Variants in CENPA observed in about 807,000 individuals in gnomAD.
CENPA encodes the protein centromere protein A, also known as histone H3-like centromeric protein A.
In CENPA, 7 loss-of-function variants were observed where a neutral mutation model predicts 17.2. That is an observed-to-expected ratio of 0.41 (90% confidence interval 0.23 to 0.76). The LOEUF is 0.76. Among genes scored for constraint, CENPA ranks in the 30% least tolerant of loss-of-function variants. CENPA has a pLI of 0.34. For synonymous variants in CENPA, 82 were observed against 77.4 expected (o/e 1.06, Z -0.31); for missense variants, 149 against 193.1 (o/e 0.77, Z 1.35).
At chr2:26,789,501 C>G (rs949189445) in intron 1 of CENPA, among the ~76,000 whole-genome samples, 1 of 152,034 alleles carries the variant, frequency 6.6e-6, no homozygotes, top group African/African-American at 2.4e-5. Context: ...ATTGACAGCT[C>G]TCAAATATCT....
Position 26,786,113 on chromosome 2 carries a change from C to A in CENPA, c.-84C>A. ...TCGCGGCACAGCGTTCTCTGGGCTC[C>A]CCAGAAGCCAGCCTTTCGCTCCCGG... On this transcript the variant is annotated 5_prime_UTR_variant, in exon 1 of 5. Coordinates refer to ENST00000335756, the MANE Select transcript of CENPA (RefSeq NM_001809.4). 1.5e-6 allele frequency: 2 copies of A among 1,337,720 alleles called. No homozygotes were observed. Among genetic ancestry groups the A allele is most frequent in the Non-Finnish European group, 1.9e-6 (2 of 1,048,302 alleles). 82.9% of individuals were successfully genotyped at this position (1,337,720 alleles called of 1,614,324 possible).
Position 26,792,152 on chromosome 2 carries a change from G to C in CENPA, c.122G>C (p.Ser41Thr). 6.2e-7 allele frequency: 1 copy of C among 1,613,988 alleles called. No individual in the cohort carries two copies. The highest frequency in any genetic ancestry group is 8.5e-7 in the Non-Finnish European group (1 of 1,179,960). Reference protein sequence around the residue: ...PSLGASSHQHSRRRQGWLKEI... With the variant: ...PSLGASSHQHTRRRQGWLKEI... ...TCAGGCGCTTCCTCCCATCAACACA[G>C]TCGGCGGAGACAAGGTTGGCTAAAG... The change falls in exon 2 of 5, where the codon AGT becomes ACT. Residue 41 changes from serine to threonine, a missense_variant. Around this residue, in one of 2 missense-constraint regions of CENPA, gnomAD observed 95 missense variants for 87.5 expected, o/e 1.09. Transcript: ENST00000335756.
At chr2:26,788,151 A>ATTCTTTC (rs144666053) in intron 1 of CENPA, among the ~76,000 whole-genome samples, 4,081 of 152,112 alleles carry the variant, frequency 0.027, 185 homozygotes, top group African/African-American at 0.094. Flanking sequence ...TTTGTCTGGT[A>ATTCTTTC]TTCTTTCTTC....
chr2:26,789,726 CA>C (rs1664581666), intron 1 of CENPA, among the ~76,000 whole-genome samples: 1 of 152,128 alleles, frequency 6.6e-6, no homozygotes, highest in Non-Finnish European at 1.5e-5. Context: ...GTCTCCAATA[CA>C]AATGCAGGTC....
chr2:26,793,504 C>A (rs71441045), intron 4 of CENPA, among the ~76,000 whole-genome samples, 178 bp downstream of exon 4: 4,200 of 152,254 alleles, frequency 0.028, 78 homozygotes, highest in Middle Eastern at 0.041. Context: ...TAAAAGATAT[C>A]TTTCTATTAA....
At chr2:26,793,706 A>G (rs190770841) in intron 4 of CENPA, 106 bp from the exon 5 acceptor site, 3 of 152,374 alleles carry the variant, frequency 2.0e-5, no homozygotes, top group African/African-American at 7.3e-5. Context: ...TAAACTTTCT[A>G]ATAAAAGAGA....
chr2:26,792,366 G>T (rs1361752073), intron 2 of CENPA, 126 bp downstream of exon 2: 1 of 730,362 alleles, frequency 1.4e-6, no homozygotes, highest in Non-Finnish European at 2.4e-6. Context: ...CCTGGTAGGG[G>T]ATTCTTTTCT....
intron 1 of CENPA, among the ~76,000 whole-genome samples, chr2:26,790,685 G>A (rs990323643): frequency 3.3e-5 from 5 of 152,234 alleles, no homozygotes; most frequent in Non-Finnish European, 7.3e-5. Context: ...TGGTGGGGAG[G>A]GAGGGAGGTG....
At chr2:26,791,190 T>A (rs1394529818) in intron 1 of CENPA, among the ~76,000 whole-genome samples, 1 of 152,246 alleles carries the variant, frequency 6.6e-6, no homozygotes, top group African/African-American at 2.4e-5. Context: ...TTGGCTCAGA[T>A]ACCTTTTAGT....
intron 1 of CENPA, among the ~76,000 whole-genome samples, chr2:26,791,082 TCTTTAA>T (rs1252814981): frequency 6.6e-6 from 1 of 152,256 alleles, no homozygotes; most frequent in Non-Finnish European, 1.5e-5. Context: ...TGCTGTTTTT[TCTTTAA>T]CTTTATTTTC....
chr2:26,793,258 C>T lies in CENPA; in HGVS notation c.402C>T (p.Gly134=), dbSNP rs1277907574. Residue 134 remains glycine (G), a synonymous_variant, in exon 4 of 5, where the codon GGC becomes GGT. Transcript: ENST00000335756. ...TGCAACTGGCCCGGAGGATCCGGGG[C>T]CTTGAGGAGGGACTCGGCTGAGCTC... ...KDVQLARRIR[G]LEEGLG 1.2e-6 allele frequency: 2 copies of T among 1,614,064 alleles called. No homozygotes were observed. The highest frequency in any genetic ancestry group is 1.7e-6 in the Non-Finnish European group (2 of 1,180,020).
At chr2:26,791,002 T>TTAG (rs1664605721) in intron 1 of CENPA, among the ~76,000 whole-genome samples, 1 of 152,280 alleles carries the variant, frequency 6.6e-6, no homozygotes, top group South Asian at 2.1e-4. Flanking sequence ...ATGTTATTTT[T>TTAG]GTATTTTGTT....
intron 1 of CENPA, 94 bp downstream of exon 1, chr2:26,786,390 G>A (rs1572639350): frequency 7.9e-7 from 1 of 1,259,634 alleles, no homozygotes; most frequent in Non-Finnish European, 1.0e-6. Context: ...GCACTTCCCT[G>A]TTGGGGGACA....
rs1664668622 is a variant in CENPA at position 26,793,952 on chromosome 2, C to CT, written c.*191dup. 6.6e-6 allele frequency: 1 copy of CT among 152,156 alleles called. No homozygotes were observed. The highest frequency in any genetic ancestry group is 2.1e-4 in the South Asian group (1 of 4,828). 9.4% of individuals were successfully genotyped at this position (152,156 alleles called of 1,614,324 possible). A position where few individuals can be genotyped will look rare whatever the true frequency, so the allele number is the denominator to read the frequency against. ...TTTTGAGAAGGAGAAGACTGCATGA[C>CT]TTTCCTCTGTAACAGAGGTAATATA... On this transcript the variant is annotated 3_prime_UTR_variant, in exon 5 of 5. Coordinates refer to ENST00000335756, the MANE Select transcript of CENPA (RefSeq NM_001809.4).
At chr2:26,792,637 GC>G in intron 2 of CENPA, 118 bp from the exon 3 acceptor site, 1 of 927,914 alleles carries the variant, frequency 1.1e-6, no homozygotes, top group East Asian at 2.5e-5. Flanking sequence ...AAGATTAAGA[GC>G]CAGGAAAAAA....
chr2:26,793,307 C>G lies in CENPA; in HGVS notation c.*28C>G. On this transcript the variant is annotated 3_prime_UTR_variant, in exon 4 of 5. Transcript: ENST00000335756. ...TCCTGCACCCAGTGTTTCTGTCAGTCTTTCCTGCTCAGCCAGGGGGTAAGC... is the reference window on the plus strand; with the variant it reads ...TCCTGCACCCAGTGTTTCTGTCAGTGTTTCCTGCTCAGCCAGGGGGTAAGC... 6.2e-7 allele frequency: 1 copy of G among 1,611,888 alleles called. No homozygotes were observed. The highest frequency in any genetic ancestry group is 8.5e-7 in the Non-Finnish European group (1 of 1,179,454).
chr2:26,792,351 T>G (rs1387612137), intron 2 of CENPA, 111 bp downstream of exon 2: 1 of 772,324 alleles, frequency 1.3e-6, no homozygotes, highest in East Asian at 2.7e-5. Context: ...GGACCTCTTT[T>G]GTAACCTGGT....
At chr2:26,786,417 C>T in intron 1 of CENPA, 121 bp downstream of exon 1, 2 of 1,221,110 alleles carry the variant, frequency 1.6e-6, no homozygotes, top group South Asian at 3.1e-5. Context: ...TTCCGCCGTC[C>T]GGCATCCGCT....
intron 1 of CENPA, among the ~76,000 whole-genome samples, chr2:26,789,142 T>TACA (rs1336665324): frequency 1.3e-5 from 2 of 152,130 alleles, no homozygotes; most frequent in Non-Finnish European, 2.9e-5. Context: ...CTAGTGACCC[T>TACA]ACAACCCACT....
Sources: allele counts gnomAD v4.1 joint callset (sites outside exome capture counted in the v4.1 genomes callset), GRCh38; gene constraint gnomAD v4.1.1; regional missense constraint gnomAD v4.1.1; transcripts MANE v1.5; gene names NCBI Gene and HGNC (gene_info 2026-07-23, HGNC 2026-07-21).